ANK3: variants seen among roughly 807,000 people sequenced by gnomAD.
ANK3 encodes the protein ankyrin 3.
In ANK3, 57 loss-of-function variants were observed where a neutral mutation model predicts 370.9. That is an observed-to-expected ratio of 0.15 (90% CI 0.12 to 0.19). The LOEUF is 0.19. Ranked by LOEUF, ANK3 falls within the 10% of genes least tolerant of loss-of-function variation. The pLI is 1.00. For missense variants in ANK3, 4,439 were observed against 5,302.1 expected, an observed-to-expected ratio of 0.84 and a Z score of 5.06; for synonymous variants, 1,929 against 1,946.3, an observed-to-expected ratio of 0.99 and a Z score of 0.23.
chr10:60,327,098 T>G (rs1334789818), intron 1 of ANK3, among the ~76,000 whole-genome samples: 2 of 152,132 alleles, frequency 1.3e-5, no homozygotes. Flanking sequence ...GCATGCAGCT[T>G]TCCTAAACAT....
intron 2 of ANK3, among the ~76,000 whole-genome samples, chr10:60,428,854 G>T (rs2063949763): frequency 6.6e-6 from 1 of 152,098 alleles, no homozygotes; most frequent in South Asian, 2.1e-4. Context: ...TTCTAGATTT[G>T]GTAGGAGAAA....
intron 7 of ANK3, 104 bp downstream of exon 7, chr10:60,261,755 A>T: frequency 2.2e-6 from 2 of 914,924 alleles, no homozygotes; most frequent in Non-Finnish European, 3.5e-6. Flanking sequence ...CACTGACTGG[A>T]AGGACTCTTG....
intron 1 of ANK3, among the ~76,000 whole-genome samples, chr10:60,338,897 C>A (rs1181647373): frequency 6.7e-6 from 1 of 150,204 alleles, no homozygotes; most frequent in South Asian, 2.1e-4. Context: ...ATTTTAGTTA[C>A]CTGAAAGTTT....
intron 7 of ANK3, among the ~76,000 whole-genome samples, chr10:60,240,099 C>CATATATAT (rs1367188813): frequency 8.6e-6 from 1 of 115,642 alleles, no homozygotes; most frequent in African/African-American, 3.3e-5. Context: ...TATATACACA[C>CATATATAT]ACATAAATAC....
At chr10:60,245,288 G>C (rs747576092) in intron 7 of ANK3, among the ~76,000 whole-genome samples, 1 of 152,000 alleles carries the variant, frequency 6.6e-6, no homozygotes, top group Non-Finnish European at 1.5e-5. Flanking sequence ...TTTTCTGTAA[G>C]TTTTTATTAT....
intron 1 of ANK3, among the ~76,000 whole-genome samples, chr10:60,362,261 A>T (rs967985769): frequency 1.3e-5 from 2 of 152,238 alleles, no homozygotes; most frequent in Non-Finnish European, 2.9e-5. Flanking sequence ...TTGTACATAT[A>T]TCTTTGCACA....
intron 12 of ANK3, among the ~76,000 whole-genome samples, chr10:60,202,130 A>G (rs1462022527): frequency 6.6e-6 from 1 of 151,232 alleles, no homozygotes; most frequent in African/African-American, 2.4e-5. Flanking sequence ...TTTATTTATT[A>G]TTTTTTTTGA....
chr10:60,250,515 C>T (rs1327431330), intron 7 of ANK3, among the ~76,000 whole-genome samples: 1 of 152,150 alleles, frequency 6.6e-6, no homozygotes, highest in Admixed American at 6.5e-5. Flanking sequence ...CAGGTGCCTG[C>T]CACCACGCCC....
chr10:60,493,270 T>C (rs1408332385), intron 2 of ANK3, among the ~76,000 whole-genome samples: 1 of 152,072 alleles, frequency 6.6e-6, no homozygotes, highest in Non-Finnish European at 1.5e-5. Context: ...CAAGATCAGA[T>C]ATAACTTTGG....
intron 2 of ANK3, chr10:60,572,784 T>C: frequency 5.6e-6 from 7 of 1,253,598 alleles, no homozygotes; most frequent in Non-Finnish European, 7.0e-6. Flanking sequence ...CTAAAGAAAA[T>C]CAATATTTTA....
chr10:60,376,715 C>G (rs1345488511), intron 1 of ANK3, among the ~76,000 whole-genome samples: 1 of 152,096 alleles, frequency 6.6e-6, no homozygotes, highest in East Asian at 1.9e-4. Context: ...TCATGGTCAC[C>G]CTCAAAGATG....
intron 2 of ANK3, among the ~76,000 whole-genome samples, chr10:60,481,003 C>G (rs1156627044): frequency 6.6e-6 from 1 of 152,140 alleles, no homozygotes; most frequent in Non-Finnish European, 1.5e-5. Flanking sequence ...CAGATGATTC[C>G]GCTGGACTTC....
chr10:60,056,940 G>A (rs751218149), intron 41 of ANK3, among the ~76,000 whole-genome samples: 33 of 152,120 alleles, frequency 2.2e-4, no homozygotes, highest in African/African-American at 5.8e-4. Context: ...TGGGAGGATC[G>A]CTTGAGCCTG....
At chr10:60,329,566 C>G (rs534995572) in intron 1 of ANK3, among the ~76,000 whole-genome samples, 1 of 152,124 alleles carries the variant, frequency 6.6e-6, no homozygotes, top group Non-Finnish European at 1.5e-5. Context: ...CCTAGGAATA[C>G]AACTTACAAG....
chr10:60,045,994 C>G (rs1029269895), intron 42 of ANK3, among the ~76,000 whole-genome samples: 3 of 151,570 alleles, frequency 2.0e-5, no homozygotes, highest in African/African-American at 7.3e-5. Context: ...ATGGGCGGGA[C>G]ATTTAACTTG....
chr10:60,151,873 T>TTAC (rs1391324174), intron 23 of ANK3, among the ~76,000 whole-genome samples: 4 of 152,210 alleles, frequency 2.6e-5, no homozygotes, highest in Non-Finnish European at 5.9e-5. Context: ...TTCCTTAACC[T>TTAC]TACTGAAACT....
intron 7 of ANK3, among the ~76,000 whole-genome samples, chr10:60,250,502 C>T (rs906454413): frequency 1.8e-4 from 28 of 152,086 alleles, no homozygotes; most frequent in Admixed American, 1.4e-3. Context: ...GTAGCTGGGA[C>T]TACAGGTGCC....
chr10:60,240,155 C>CATATATACACAT (rs1555185345), intron 7 of ANK3, among the ~76,000 whole-genome samples: 5 of 116,632 alleles, frequency 4.3e-5, no homozygotes, highest in Admixed American at 2.8e-4. Context: ...CATATATATA[C>CATATATACACAT]ATATATACAC....
At chr10:60,682,047 T>A (rs920118558) in intron 1 of ANK3, among the ~76,000 whole-genome samples, 2 of 152,162 alleles carry the variant, frequency 1.3e-5, no homozygotes, top group Non-Finnish European at 2.9e-5. Context: ...CTTAGGAGGC[T>A]GAGGCGAGAG....
Sources: allele counts gnomAD v4.1 joint callset (sites outside exome capture counted in the v4.1 genomes callset), GRCh38; gene constraint gnomAD v4.1.1; transcripts MANE v1.5; gene names NCBI Gene and HGNC (gene_info 2026-07-23, HGNC 2026-07-21).